The following N4BP2 variants were observed in gnomAD, a reference collection of about 807,000 sequenced individuals.
The protein encoded by N4BP2 is NEDD4-binding protein 2.
A neutral mutation model predicts 152.8 loss-of-function variants in N4BP2; 91 were observed. That is an observed-to-expected ratio of 0.60 (90% CI 0.50 to 0.71). N4BP2 has a LOEUF of 0.71. N4BP2 is among the 30% of genes least tolerant of loss of function. The pLI, the probability that N4BP2 is intolerant of heterozygous loss-of-function variation, is 0.00. For missense variants in N4BP2, 1,923 were observed against 2,059.1 expected (o/e 0.93, Z 1.28); for synonymous variants, 646 against 705.3 (o/e 0.92, Z 1.33).
chr4:40,104,582 A>G (rs1433701495), intron 4 of N4BP2, among the ~76,000 whole-genome samples: 1 of 152,146 alleles, frequency 6.6e-6, no homozygotes, highest in African/African-American at 2.4e-5. Context: ...ACTGTCAGTC[A>G]TGGCAGTGTG....
intron 15 of N4BP2, 83 bp from the exon 16 acceptor site, chr4:40,144,549 T>A: frequency 5.5e-6 from 6 of 1,091,788 alleles, no homozygotes; most frequent in Non-Finnish European, 7.9e-6. Flanking sequence ...TCCCCCTTCC[T>A]TTTATTTGGG....
At chr4:40,129,615 T>C (rs564052455) in intron 12 of N4BP2, among the ~76,000 whole-genome samples, 17 of 152,236 alleles carry the variant, frequency 1.1e-4, no homozygotes, top group Non-Finnish European at 1.9e-4. Flanking sequence ...ACATGCAGCC[T>C]GAGAAAGATA....
chr4:40,147,732 C>T (rs982039168), intron 16 of N4BP2, among the ~76,000 whole-genome samples: 4 of 151,528 alleles, frequency 2.6e-5, no homozygotes, highest in South Asian at 2.1e-4. Context: ...ACTTCCCAGA[C>T]GGGGTGGCTG....
At chr4:40,160,233 G>A (rs574284452), downstream of N4BP2, among the ~76,000 whole-genome samples, 1 of 152,296 alleles carries the variant, frequency 6.6e-6, no homozygotes, top group African/African-American at 2.4e-5. Context: ...AAGTACATTA[G>A]TCAAAACATG....
chr4:40,141,778 T>C (rs1401915176), intron 14 of N4BP2, among the ~76,000 whole-genome samples: 2 of 152,274 alleles, frequency 1.3e-5, no homozygotes, highest in South Asian at 2.1e-4. Flanking sequence ...ATCACGCCAC[T>C]GCACTCCAGC....
In N4BP2 at chr4:40,127,042, A is replaced by C. The variant is rs1403178351; in HGVS notation, c.4527+712A>C. 2.6e-5 allele frequency among the ~76,000 whole-genome samples: 4 copies of C among 151,794 alleles called. No homozygotes were observed. In the East Asian group the frequency reaches 7.8e-4, roughly 29 times the overall value. On this transcript the variant is annotated intron_variant, in intron 12 of 17. Transcript: ENST00000261435. ...CTAAAGTGCTGGGATTACATGCATG[A>C]GCCACCATGCCCACGAATTTTTGAA...
At chr4:40,163,971 G>A in the N4BP2 span, among the ~76,000 whole-genome samples, 2 of 152,194 alleles carry the variant, frequency 1.3e-5, no homozygotes, top group Non-Finnish European at 2.9e-5. Context: ...TCTTTTATCA[G>A]TTAAGTGACT....
In N4BP2 at chr4:40,102,307, C is replaced by T. The variant is rs149445903; in HGVS notation, c.462C>T (p.Asn154=). ...TACAGAATGCTTTTGAGAAATTGAA[C>T]TCTTCTCCTGATGACCAAGTATACT... ...SLIQNAFEKL[N]SSPDDQVYSF... Residue 154 remains asparagine (N), a synonymous_variant, in exon 4 of 18, where the codon AAC becomes AAT. Coordinates refer to ENST00000261435, the MANE Select transcript of N4BP2 (RefSeq NM_018177.6). The T allele has an allele frequency of 3.3e-4, 528 of 1,613,138 alleles. No homozygotes were observed. The African/African-American group carries it at 5.7e-3, about 18-fold the overall frequency.
the N4BP2 span, among the ~76,000 whole-genome samples, chr4:40,176,092 A>C: frequency 6.8e-6 from 1 of 146,368 alleles, no homozygotes; most frequent in African/African-American, 2.6e-5. Context: ...TCCGTCTCAA[A>C]AAAAAAAAAA....
chr4:40,090,952 A>AAAAAAAAGTTGT lies in N4BP2; in HGVS notation c.-114-6274_-114-6273insAAAAAAGTTGTA, dbSNP rs368159426. On this transcript the variant is annotated intron_variant, in intron 2 of 17. Coordinates refer to ENST00000261435, the MANE Select transcript of N4BP2 (RefSeq NM_018177.6). ...AGTCTCAAAAAAAAAAAAAAAAAAA[A>AAAAAAAAGTTGT]AGTTTATAAGATCCTATTGAGGTTA... 2.3e-4 allele frequency among the ~76,000 whole-genome samples: 23 copies of AAAAAAAAGTTGT among 100,074 alleles called. 1 individual carries two copies. Among genetic ancestry groups the AAAAAAAAGTTGT allele is most frequent in the African/African-American group, 6.8e-4 (18 of 26,308 alleles). The allele number at this position is 100,074 out of a possible 152,430, so 65.7% of individuals were successfully genotyped here.
chr4:40,071,653 G>A (rs1712196641), intron 1 of N4BP2, among the ~76,000 whole-genome samples: 1 of 152,066 alleles, frequency 6.6e-6, no homozygotes, highest in South Asian at 2.1e-4. Context: ...TGCAACCTCT[G>A]TCTCTTGGGT....
chr4:40,069,331 C>T (rs1056271344), intron 1 of N4BP2, among the ~76,000 whole-genome samples: 6 of 150,280 alleles, frequency 4.0e-5, no homozygotes, highest in East Asian at 3.9e-4. Context: ...CCCAGCTACT[C>T]GGAGGCTGAG....
At chr4:40,077,028 T>G (rs530353402) in intron 2 of N4BP2, among the ~76,000 whole-genome samples, 8 of 152,248 alleles carry the variant, frequency 5.3e-5, no homozygotes, top group Admixed American at 2.6e-4. Flanking sequence ...GAGAGATTTT[T>G]TTTGTTTGTT....
chr4:40,170,029 A>G, the N4BP2 span, among the ~76,000 whole-genome samples: 4 of 151,792 alleles, frequency 2.6e-5, no homozygotes, highest in African/African-American at 9.7e-5. Context: ...GAAAAGACTC[A>G]TATTAATGAA....
chr4:40,182,780 G>A, the N4BP2 span, among the ~76,000 whole-genome samples: 2 of 152,014 alleles, frequency 1.3e-5, no homozygotes, highest in Admixed American at 6.6e-5. Flanking sequence ...AGGTTCAAGC[G>A]ATTCTCCTGT....
chr4:40,078,716 A>G (rs1266265332), intron 2 of N4BP2, among the ~76,000 whole-genome samples: 1 of 151,582 alleles, frequency 6.6e-6, no homozygotes, highest in Non-Finnish European at 1.5e-5. Flanking sequence ...TTTTGTTGAG[A>G]CAGGTTTTAT....
chr4:40,070,825 TTTC>T (rs895167673), intron 1 of N4BP2, among the ~76,000 whole-genome samples: 21 of 152,038 alleles, frequency 1.4e-4, no homozygotes, highest in Non-Finnish European at 2.5e-4. Flanking sequence ...GGTGTTTTTT[TTTC>T]TTCTTTTTTT....
intron 7 of N4BP2, 111 bp downstream of exon 7, chr4:40,113,619 A>C (rs4974962): frequency 7.9e-6 from 6 of 755,988 alleles, no homozygotes; most frequent in Middle Eastern, 2.4e-4. Flanking sequence ...TTGTAACTTA[A>C]TTTCTATTGC....
At chr4:40,083,034 G>T in intron 2 of N4BP2, 1 of 277,118 alleles carries the variant, frequency 3.6e-6, no homozygotes, top group Non-Finnish European at 7.4e-6. Context: ...ATAGAAAGAG[G>T]AGATAGAGTA....
Sources: allele counts gnomAD v4.1 joint callset (sites outside exome capture counted in the v4.1 genomes callset), GRCh38; gene constraint gnomAD v4.1.1; transcripts MANE v1.5; gene names NCBI Gene and HGNC (gene_info 2026-07-23, HGNC 2026-07-21).